The following DENND2A variants were observed in gnomAD, a reference collection of about 807,000 sequenced individuals.
DENND2A encodes DENN domain containing 2A.
In DENND2A, 53 loss-of-function variants were observed where a neutral mutation model predicts 105.3. The observed-to-expected ratio is 0.50, with a 90% CI of 0.40 to 0.63. The LOEUF (loss-of-function observed/expected upper bound fraction) is 0.63, where lower values mean the gene tolerates loss of function less well. DENND2A is among the 30% of genes least tolerant of loss of function. The probability of loss-of-function intolerance (pLI) is 0.00; values close to 1 mark genes in which losing one functional copy is unlikely to be tolerated. For synonymous variants in DENND2A, 522 were observed against 508.4 expected (o/e 1.03, Z -0.36); for missense variants, 1,138 against 1,279.6 (o/e 0.89, Z 1.69).
chr7:140,579,550 A>C (rs1798449150), intron 5 of DENND2A, among the ~76,000 whole-genome samples: 1 of 151,704 alleles, frequency 6.6e-6, no homozygotes, highest in Non-Finnish European at 1.5e-5. Context: ...ACACCACTGC[A>C]CCCGGCTAAT....
intron 6 of DENND2A, among the ~76,000 whole-genome samples, chr7:140,573,191 G>A (rs2536955): frequency 0.44 from 66,729 of 151,950 alleles, 15,088 homozygotes; most frequent in African/African-American, 0.52. Context: ...TCTGTTTTAC[G>A]TCAGTTTAAA....
intron 5 of DENND2A, among the ~76,000 whole-genome samples, chr7:140,579,065 T>C (rs1798424191): frequency 6.6e-6 from 1 of 152,038 alleles, no homozygotes; most frequent in African/African-American, 2.4e-5. Context: ...GGAGGCCACG[T>C]TGGGCGGATC....
intron 1 of DENND2A, among the ~76,000 whole-genome samples, chr7:140,622,209 C>T (rs1252482666): frequency 6.6e-6 from 1 of 151,870 alleles, no homozygotes; most frequent in African/African-American, 2.4e-5. Context: ...ACCAGCCTGG[C>T]CAACATGGTG....
intron 3 of DENND2A, 91 bp from the exon 4 acceptor site, chr7:140,587,871 TTTTC>T: frequency 2.4e-6 from 3 of 1,270,548 alleles, no homozygotes; most frequent in Non-Finnish European, 3.1e-6. Flanking sequence ...CTCGGCCAAA[TTTTC>T]TTTTTCTTAG....
At chr7:140,638,500 C>T (rs1366342158) in intron 1 of DENND2A, among the ~76,000 whole-genome samples, 9 of 152,298 alleles carry the variant, frequency 5.9e-5, no homozygotes, top group African/African-American at 2.2e-4. Context: ...TTGGTCTCCT[C>T]CTCCTCCTCC....
chr7:140,600,932 T>C (rs897481870), intron 3 of DENND2A, among the ~76,000 whole-genome samples: 4 of 152,224 alleles, frequency 2.6e-5, no homozygotes, highest in Non-Finnish European at 5.9e-5. Context: ...AGTGCGTGCA[T>C]CCATATGTAT....
At position 140,589,168 on chromosome 7, in the gene DENND2A, C is replaced by T. The variant is rs150979578; in HGVS notation, c.996-1388G>A. ...CAGGAAGTCTGGTTGGAGACTGATG[C>T]TTTTAATGACACAGGGCATTATGGA... is the stretch of plus-strand genomic sequence containing the variant. On this transcript the variant is annotated intron_variant, in intron 3 of 19. Transcript: ENST00000496613. 5.1e-3 allele frequency among the ~76,000 whole-genome samples: 778 copies of T among 152,250 alleles called. 7 individuals carry two copies. The highest frequency in any genetic ancestry group is 0.018 in the African/African-American group (733 of 41,542).
chr7:140,589,873 C>T (rs1434816372), intron 3 of DENND2A, among the ~76,000 whole-genome samples: 1 of 152,172 alleles, frequency 6.6e-6, no homozygotes, highest in Non-Finnish European at 1.5e-5. Context: ...AAGCGATCCT[C>T]CTGTCTCAGC....
chr7:140,543,990 C>T (rs1202047281), intron 14 of DENND2A: 2 of 160,990 alleles, frequency 1.2e-5, no homozygotes, highest in Admixed American at 1.2e-4. Context: ...CTCCTGGGTT[C>T]AAGCGATTCT....
Position 140,587,638 on chromosome 7 carries a change from G to T in DENND2A, c.1123+15C>A. 2 of 1,612,946 alleles carry T rather than the reference G, an allele frequency of 1.2e-6. No individual in the cohort carries two copies. Among genetic ancestry groups the T allele is most frequent in the Non-Finnish European group, 1.7e-6 (2 of 1,179,850 alleles). Reference sequence around the variant, plus strand: ...GACAGACTCAGATCCGCACACAGACGCTGTGGCTTCTTACCTAGAATGTCT... The same window carrying T: ...GACAGACTCAGATCCGCACACAGACTCTGTGGCTTCTTACCTAGAATGTCT... On this transcript the variant is annotated intron_variant, in intron 4 of 19. Coordinates refer to ENST00000496613, the MANE Select transcript of DENND2A (RefSeq NM_015689.5).
At chr7:140,628,784 C>T (rs1381514281) in intron 1 of DENND2A, among the ~76,000 whole-genome samples, 3 of 151,816 alleles carry the variant, frequency 2.0e-5, no homozygotes, top group Non-Finnish European at 4.4e-5. Context: ...TCAAATGATC[C>T]GCCTGCCTCG....
intron 12 of DENND2A, among the ~76,000 whole-genome samples, chr7:140,549,566 AT>A (rs1199023285): frequency 6.6e-6 from 1 of 152,202 alleles, no homozygotes. Context: ...GAAATAGACA[AT>A]TAATAACATA....
At chr7:140,584,869 C>T (rs1180667865) in intron 5 of DENND2A, among the ~76,000 whole-genome samples, 1 of 152,170 alleles carries the variant, frequency 6.6e-6, no homozygotes, top group African/African-American at 2.4e-5. Context: ...CACATATAGA[C>T]ATGTGCGAGT....
At chr7:140,520,230 C>T (rs1795805868) in intron 18 of DENND2A, among the ~76,000 whole-genome samples, 1 of 151,630 alleles carries the variant, frequency 6.6e-6, no homozygotes, top group Admixed American at 6.6e-5. Context: ...CGCTTGAACC[C>T]GGGAGGCGGA....
At chr7:140,573,772 T>A (rs372304281) in intron 6 of DENND2A, 36 bp downstream of exon 6, 21 of 1,604,910 alleles carry the variant, frequency 1.3e-5, no homozygotes, top group Non-Finnish European at 1.8e-5. Flanking sequence ...GAAGGGGTCA[T>A]GCATACCTGA....
chr7:140,519,802 G>C (rs1795787511), intron 18 of DENND2A, 84 bp from the exon 19 acceptor site: 4 of 1,268,284 alleles, frequency 3.2e-6, no homozygotes, highest in Middle Eastern at 1.9e-4. Flanking sequence ...CCAGAGAAAA[G>C]AGAAACCTTG....
At chr7:140,570,874 T>C (rs997870913) in intron 6 of DENND2A, among the ~76,000 whole-genome samples, 1 of 152,238 alleles carries the variant, frequency 6.6e-6, no homozygotes, top group African/African-American at 2.4e-5. Context: ...GTGTTTCCTA[T>C]GTATTTGTTT....
intron 3 of DENND2A, among the ~76,000 whole-genome samples, chr7:140,592,313 T>C (rs148638814): frequency 0.04 from 6,104 of 151,782 alleles, 384 homozygotes; most frequent in African/African-American, 0.14. Context: ...TTCACACCAT[T>C]CTCCTGCCTC....
chr7:140,576,865 T>C (rs566248078), intron 5 of DENND2A, among the ~76,000 whole-genome samples: 1 of 152,348 alleles, frequency 6.6e-6, no homozygotes, highest in Non-Finnish European at 1.5e-5. Context: ...GAAATGCTCC[T>C]ACCATTGCAC....
Sources: gnomAD v4.1 joint callset for allele counts (sites outside exome capture counted in the v4.1 genomes callset) on GRCh38, gnomAD v4.1.1 for gene constraint, MANE v1.5 for transcripts, NCBI Gene and HGNC (gene_info 2026-07-23, HGNC 2026-07-21) for gene names.